Variants in SLC9A9 observed in about 807,000 individuals in gnomAD.
The protein encoded by SLC9A9 is sodium/hydrogen exchanger 9.
Under a neutral mutation model 77.8 loss-of-function variants are expected in SLC9A9, and 62 were observed. The observed-to-expected ratio is 0.80, with a 90% CI of 0.65 to 0.98. The LOEUF is 0.98. Among genes scored for constraint, SLC9A9 ranks in the 50% least tolerant of loss-of-function variants. The probability of loss-of-function intolerance (pLI) is 0.00; values close to 1 mark genes in which losing one functional copy is unlikely to be tolerated. For synonymous variants in SLC9A9, 320 were observed against 283.5 expected (o/e 1.13, Z -1.29); for missense variants, 775 against 774.9 (o/e 1.00, Z 0.00).
At chr3:143,678,721 C>T (rs1932969375) in intron 5 of SLC9A9, among the ~76,000 whole-genome samples, 1 of 152,078 alleles carries the variant, frequency 6.6e-6, no homozygotes, top group Non-Finnish European at 1.5e-5. Context: ...GGTAGGTTAC[C>T]TCATGGTTTT....
intron 2 of SLC9A9, among the ~76,000 whole-genome samples, chr3:143,816,053 T>C (rs867252051): frequency 3.5e-4 from 54 of 152,358 alleles, no homozygotes; most frequent in Admixed American, 7.2e-4. Context: ...AAACAAGTTT[T>C]AAATGATATG....
At chr3:143,427,875 C>T (rs2034433928) in intron 12 of SLC9A9, among the ~76,000 whole-genome samples, 1 of 152,202 alleles carries the variant, frequency 6.6e-6, no homozygotes, top group African/African-American at 2.4e-5. Flanking sequence ...CAAGAAACTA[C>T]CCCTCCCCCA....
intron 9 of SLC9A9, chr3:143,518,205 G>A: frequency 6.3e-7 from 1 of 1,598,484 alleles, no homozygotes; most frequent in Non-Finnish European, 8.5e-7. Flanking sequence ...AAGGCCCGAA[G>A]CTTGTTCACT....
intron 4 of SLC9A9, among the ~76,000 whole-genome samples, chr3:143,744,945 G>A (rs1935168677): frequency 6.6e-6 from 1 of 152,204 alleles, no homozygotes; most frequent in South Asian, 2.1e-4. Context: ...CCAGAATGCA[G>A]AGGTAGGCAT....
At chr3:143,363,105 T>C (rs1390485031) in intron 14 of SLC9A9, among the ~76,000 whole-genome samples, 17 of 152,190 alleles carry the variant, frequency 1.1e-4, no homozygotes. Context: ...TGGGTTACCC[T>C]GGCCAGAGGC....
intron 14 of SLC9A9, among the ~76,000 whole-genome samples, chr3:143,337,079 T>A (rs1172028714): frequency 6.6e-6 from 1 of 152,184 alleles, no homozygotes; most frequent in Non-Finnish European, 1.5e-5. Flanking sequence ...CTAATCTATA[T>A]ATTTTAAAGG....
intron 2 of SLC9A9, among the ~76,000 whole-genome samples, chr3:143,813,039 A>G (rs1252385497): frequency 6.6e-6 from 1 of 152,118 alleles, no homozygotes; most frequent in Non-Finnish European, 1.5e-5. Flanking sequence ...ACTTGGTGGC[A>G]GGAAGAAGGG....
chr3:143,514,315 G>A (rs1367341060), intron 9 of SLC9A9, among the ~76,000 whole-genome samples: 1 of 151,478 alleles, frequency 6.6e-6, no homozygotes, highest in Non-Finnish European at 1.5e-5. Context: ...TCCATATATA[G>A]AGCACAGGCA....
At chr3:143,743,144 T>C (rs115108559) in intron 4 of SLC9A9, among the ~76,000 whole-genome samples, 81 of 151,520 alleles carry the variant, frequency 5.3e-4, no homozygotes, top group African/African-American at 1.8e-3. Flanking sequence ...GACATCAGTA[T>C]TAGTCGGGGT....
At chr3:143,691,360 G>A (rs1254357344) in intron 5 of SLC9A9, among the ~76,000 whole-genome samples, 3 of 151,958 alleles carry the variant, frequency 2.0e-5, no homozygotes, top group Non-Finnish European at 2.9e-5. Context: ...ATGAGCCACC[G>A]CTCCCAGCTG....
chr3:143,745,751 A>G (rs17591660), intron 4 of SLC9A9, among the ~76,000 whole-genome samples: 8,227 of 152,304 alleles, frequency 0.054, 282 homozygotes, highest in Middle Eastern at 0.075. Flanking sequence ...AATGTTGCAG[A>G]AGATTAATAA....
At position 143,832,192 on chromosome 3, in the gene SLC9A9, C is replaced by T. The variant is rs2009453520; in HGVS notation, c.205G>A (p.Ala69Thr). 6.2e-7 allele frequency: 1 copy of T among 1,611,914 alleles called. No homozygotes were observed. Among genetic ancestry groups the T allele is most frequent in the Admixed American group, 1.7e-5 (1 of 59,848 alleles). The change falls in exon 2 of 16, where the codon GCT (alanine) becomes ACT (threonine). Residue 69 changes from alanine to threonine, a missense_variant. Coordinates refer to ENST00000316549, the MANE Select transcript of SLC9A9 (RefSeq NM_173653.4). The part of the protein sequence containing the change: ...GLIMGLILRY[A>T]TAPTDIESGT... ...CTTTCAATATCAGTTGGTGCTGTAG[C>T]ATATCGTAAAATTAGTCCCATTATA...
At chr3:143,677,392 A>AT (rs987261811) in intron 5 of SLC9A9, among the ~76,000 whole-genome samples, 2 of 152,142 alleles carry the variant, frequency 1.3e-5, no homozygotes, top group African/African-American at 4.8e-5. Context: ...GCACTAATTT[A>AT]TTTTTTTAAT....
At chr3:143,738,097 T>C (rs142778818) in intron 4 of SLC9A9, among the ~76,000 whole-genome samples, 1 of 152,364 alleles carries the variant, frequency 6.6e-6, no homozygotes, top group East Asian at 1.9e-4. Flanking sequence ...ACCACTGATA[T>C]GCTGCATGCA....
intron 11 of SLC9A9, among the ~76,000 whole-genome samples, chr3:143,473,987 A>G (rs1190455365): frequency 1.3e-5 from 2 of 152,204 alleles, no homozygotes; most frequent in Non-Finnish European, 2.9e-5. Context: ...AAAGTAGGGT[A>G]AGGGGACAGA....
chr3:143,685,377 A>G (rs1258803543), intron 5 of SLC9A9, among the ~76,000 whole-genome samples: 1 of 152,034 alleles, frequency 6.6e-6, no homozygotes, highest in Non-Finnish European at 1.5e-5. Context: ...GGATACAGCA[A>G]CTCTAGAATG....
chr3:143,402,765 T>TG (rs1336633399), intron 12 of SLC9A9, among the ~76,000 whole-genome samples: 2 of 151,616 alleles, frequency 1.3e-5, no homozygotes, highest in East Asian at 3.9e-4. Context: ...GAAATTAGTT[T>TG]TTTTTTTTTT....
chr3:143,336,181 A>G (rs899590628), intron 14 of SLC9A9, among the ~76,000 whole-genome samples: 1 of 152,144 alleles, frequency 6.6e-6, no homozygotes, highest in African/African-American at 2.4e-5. Context: ...TCAGGAGACT[A>G]CATAATGAGA....
In SLC9A9 at chr3:143,435,884, G is replaced by A. The variant is rs184832616; in HGVS notation, c.1469+31153C>T. Among the ~76,000 whole-genome samples, 20 of 152,274 alleles carry A rather than the reference G, an allele frequency of 1.3e-4. No individual in the cohort carries two copies. In the East Asian group the frequency reaches 3.7e-3, roughly 28 times the overall value. On this transcript the variant is annotated intron_variant, in intron 12 of 15. Coordinates refer to ENST00000316549, the MANE Select transcript of SLC9A9 (RefSeq NM_173653.4). Reference sequence around the variant, plus strand: ...CAGTAATACACCTGGAGGGTTAACAGAGTTACACACAAAACAGGATTGCTA... The same window carrying A: ...CAGTAATACACCTGGAGGGTTAACAAAGTTACACACAAAACAGGATTGCTA...
Sources: allele counts gnomAD v4.1 joint callset (sites outside exome capture counted in the v4.1 genomes callset), GRCh38; gene constraint gnomAD v4.1.1; transcripts MANE v1.5; gene names NCBI Gene and HGNC (gene_info 2026-07-23, HGNC 2026-07-21).